Variants in MCOLN3 observed in about 807,000 individuals in gnomAD.
The protein encoded by MCOLN3 is mucolipin-3.
In MCOLN3, 62 loss-of-function variants were observed where a neutral mutation model predicts 69.4. The ratio of observed to expected loss-of-function variants is 0.89; its 90% CI spans 0.73 to 1.10. The LOEUF (loss-of-function observed/expected upper bound fraction) is 1.10. Ranked by LOEUF, MCOLN3 falls within the 50% of genes least tolerant of loss-of-function variation. MCOLN3 has a pLI of 0.00. For synonymous variants in MCOLN3, 183 were observed against 217.0 expected, an observed-to-expected ratio of 0.84 and a Z score of 1.38; for missense variants, 564 against 656.4, an observed-to-expected ratio of 0.86 and a Z score of 1.54.
intron 2 of MCOLN3, among the ~76,000 whole-genome samples, chr1:85,042,116 T>C (rs1425790245): frequency 6.6e-6 from 1 of 152,214 alleles, no homozygotes; most frequent in African/African-American, 2.4e-5. Context: ...TGAGCACCTA[T>C]GTGCCATACA....
intron 7 of MCOLN3, among the ~76,000 whole-genome samples, chr1:85,026,857 C>CT (rs202103621): frequency 0.49 from 71,777 of 146,674 alleles, 17,703 homozygotes; most frequent in Middle Eastern, 0.53. Flanking sequence ...CCTGCATATT[C>CT]TTTTTTTTTT....
chr1:85,021,277 CTG>C lies in MCOLN3; in HGVS notation c.1321-3_1321-2del. On this transcript the variant is annotated splice_acceptor_variant and splice_polypyrimidine_tract_variant and intron_variant, in intron 11 of 12. Transcript: ENST00000370589. LOFTEE classifies it high-confidence loss of function. ...CAGAGACCATGTTCAGAGAACGAAA[CTG>C]GAAAAAGAAAAGAGAAAAGTTCACT... 1 of 1,604,804 alleles carries C rather than the reference CTG, an allele frequency of 6.2e-7. No homozygotes were observed. Among genetic ancestry groups the C allele is most frequent in the Non-Finnish European group, 8.5e-7 (1 of 1,177,222 alleles).
At chr1:85,039,583 C>T (rs1351672988) in intron 3 of MCOLN3, among the ~76,000 whole-genome samples, 2 of 152,102 alleles carry the variant, frequency 1.3e-5, no homozygotes. Context: ...ACCTGCATTT[C>T]CAGAAGGAAT....
At chr1:85,020,993 C>A in intron 12 of MCOLN3, 77 bp downstream of exon 12, 1 of 1,043,626 alleles carries the variant, frequency 9.6e-7, no homozygotes, top group Admixed American at 2.7e-5. Context: ...TTTTCTTCTA[C>A]CATTAGGTAC....
intron 4 of MCOLN3, among the ~76,000 whole-genome samples, chr1:85,033,230 C>T (rs1034842094): frequency 6.6e-6 from 1 of 152,140 alleles, no homozygotes. Context: ...ATGCTGTCTT[C>T]GTTTTTAAGC....
chr1:85,028,491 T>C (rs1311983215), intron 7 of MCOLN3, among the ~76,000 whole-genome samples: 1 of 152,216 alleles, frequency 6.6e-6, no homozygotes, highest in Non-Finnish European at 1.5e-5. Context: ...ATGTCACTTA[T>C]GAGAGACTAG....
At chr1:85,030,282 T>TA (rs774568834) in intron 6 of MCOLN3, among the ~76,000 whole-genome samples, 6 of 152,034 alleles carry the variant, frequency 3.9e-5, no homozygotes, top group Non-Finnish European at 5.9e-5. Flanking sequence ...ATCTATTGAG[T>TA]AAAAAACTGG....
rs1006090666 is a variant in MCOLN3, at chr1:85,018,286, A to G, written c.*837T>C. 2 of 152,202 alleles carry G rather than the reference A, an allele frequency of 1.3e-5. No individual in the cohort carries two copies. Among genetic ancestry groups the G allele is most frequent in the African/African-American group, 4.8e-5 (2 of 41,456 alleles). The allele number at this position is 152,202 out of a possible 1,614,324, so 9.4% of individuals were successfully genotyped here. A position where few individuals can be genotyped will look rare whatever the true frequency, so the allele number is the denominator to read the frequency against. On this transcript the variant is annotated 3_prime_UTR_variant, in exon 13 of 13. Coordinates refer to ENST00000370589, the MANE Select transcript of MCOLN3 (RefSeq NM_018298.11). ...ATAACGATGTTTTGGTCAATGATGTACCGCATATACAATGGTGGTCCCAGA... is the reference window on the plus strand; with the variant it reads ...ATAACGATGTTTTGGTCAATGATGTGCCGCATATACAATGGTGGTCCCAGA...
chr1:85,025,351 A>G (rs1326639061), intron 9 of MCOLN3: 1 of 152,194 alleles, frequency 6.6e-6, no homozygotes, highest in Non-Finnish European at 1.5e-5. Context: ...TAGTCTGAAC[A>G]CTATTAGTTT....
At chr1:85,044,541 T>G (rs2102945672) in intron 2 of MCOLN3, among the ~76,000 whole-genome samples, 1 of 152,278 alleles carries the variant, frequency 6.6e-6, no homozygotes, top group African/African-American at 2.4e-5. Context: ...AAAATATGGT[T>G]CCCCCTTTCC....
chr1:85,041,057 A>G lies in MCOLN3; in HGVS notation c.349T>C (p.Tyr117His). ...TGATCATACACGTCACTTTGTGTGT[A>G]CACTGCATATGTGTCATCCATTCGG... ...MDRMDDTYAV[Y>H]TQSDVYDQLI... Residue 117 changes from tyrosine to histidine, a missense_variant, in exon 3 of 13, where the codon TAC (tyrosine) becomes CAC (histidine). Tyr to His is a moderately conservative substitution (Grantham distance 83). Transcript: ENST00000370589. The G allele has an allele frequency of 6.2e-7, 1 of 1,614,072 alleles. No individual in the cohort carries two copies. The highest frequency in any genetic ancestry group is 8.5e-7 in the Non-Finnish European group (1 of 1,179,984).
At chr1:85,037,892 G>A (rs1652872038) in intron 3 of MCOLN3, among the ~76,000 whole-genome samples, 2 of 152,206 alleles carry the variant, frequency 1.3e-5, no homozygotes, top group East Asian at 1.9e-4. Context: ...TCTGCCTTGA[G>A]AGAAGGAGTT....
intron 9 of MCOLN3, among the ~76,000 whole-genome samples, chr1:85,024,180 G>A (rs1652100699): frequency 6.6e-6 from 1 of 152,162 alleles, no homozygotes; most frequent in Non-Finnish European, 1.5e-5. Context: ...AGGTGGGGGA[G>A]GGGAGGAGCA....
chr1:85,019,606 T>A (rs1381857274), intron 12 of MCOLN3, among the ~76,000 whole-genome samples: 3 of 152,188 alleles, frequency 2.0e-5, no homozygotes, highest in East Asian at 3.9e-4. Flanking sequence ...GCCTGTGACT[T>A]CCAGACCAGT....
At chr1:85,038,863 C>T (rs1295009711) in intron 3 of MCOLN3, among the ~76,000 whole-genome samples, 3 of 151,990 alleles carry the variant, frequency 2.0e-5, no homozygotes, top group South Asian at 2.1e-4. Context: ...GGGGTAGTGA[C>T]GGGAGCCTGT....
rs952464320 is a variant in MCOLN3 at position 85,045,382 on chromosome 1, A to T, written c.-2-20T>A. The T allele has an allele frequency of 7.0e-6, 11 of 1,570,798 alleles. No homozygotes were observed. The highest frequency in any genetic ancestry group is 1.8e-5 in the Admixed American group (1 of 56,486). Reference sequence around the variant, plus strand: ...CCATCTCTAGAGGAAAAAAACAACAACAACAACAACCAACATTTCCATTTA... The same window carrying T: ...CCATCTCTAGAGGAAAAAAACAACATCAACAACAACCAACATTTCCATTTA... On this transcript the variant is annotated intron_variant, in intron 1 of 12. Coordinates refer to ENST00000370589, the MANE Select transcript of MCOLN3 (RefSeq NM_018298.11).
At chr1:85,034,715 T>C (rs934833027) in intron 3 of MCOLN3, among the ~76,000 whole-genome samples, 1 of 152,196 alleles carries the variant, frequency 6.6e-6, no homozygotes, top group African/African-American at 2.4e-5. Context: ...TTAACCTTTA[T>C]CTTTGCAAGA....
At chr1:85,040,373 G>C (rs1281984009) in intron 3 of MCOLN3, among the ~76,000 whole-genome samples, 1 of 152,096 alleles carries the variant, frequency 6.6e-6, no homozygotes, top group Non-Finnish European at 1.5e-5. Flanking sequence ...AACCCAGTCT[G>C]GGAATGCTGA....
chr1:85,041,870 CAAAAAAAAAAAAA>C (rs11446470), intron 2 of MCOLN3, among the ~76,000 whole-genome samples: 5 of 69,688 alleles, frequency 7.2e-5, no homozygotes, highest in Non-Finnish European at 1.2e-4. Flanking sequence ...AACTACGTCT[CAAAAAAAAAAAAA>C]AAAAAAAAGC....
Sources: allele counts gnomAD v4.1 joint callset (sites outside exome capture counted in the v4.1 genomes callset), GRCh38; gene constraint gnomAD v4.1.1; transcripts MANE v1.5; gene names NCBI Gene and HGNC (gene_info 2026-07-23, HGNC 2026-07-21).